Variants in DPP10 observed in about 807,000 individuals in gnomAD.
DPP10 encodes dipeptidyl peptidase like 10, also known as inactive dipeptidyl peptidase 10.
In DPP10, 33 loss-of-function variants were observed where a neutral mutation model predicts 120.9. The observed-to-expected ratio is 0.27, with a 90% CI of 0.21 to 0.37. The LOEUF (loss-of-function observed/expected upper bound fraction) is 0.37, where lower values mean the gene tolerates loss of function less well. Ranked by LOEUF, DPP10 falls within the 10% of genes least tolerant of loss-of-function variation. The probability of loss-of-function intolerance (pLI) is 1.00; values close to 1 mark genes in which losing one functional copy is unlikely to be tolerated. For synonymous variants in DPP10, 337 were observed against 326.1 expected, an observed-to-expected ratio of 1.03 and a Z score of -0.36; for missense variants, 816 against 942.8, an observed-to-expected ratio of 0.87 and a Z score of 1.76.
At chr2:115,674,812 CCTTTG>C (rs1288049161) in intron 5 of DPP10, among the ~76,000 whole-genome samples, 17 of 152,210 alleles carry the variant, frequency 1.1e-4, no homozygotes, top group Non-Finnish European at 2.2e-4. Context: ...TAGAGTGTTA[CCTTTG>C]CTATGGAAGA....
At chr2:115,113,317 T>G (rs1324064814) in intron 1 of DPP10, among the ~76,000 whole-genome samples, 1 of 152,150 alleles carries the variant, frequency 6.6e-6, no homozygotes, top group Non-Finnish European at 1.5e-5. Flanking sequence ...TGTCTATATG[T>G]GCTTTTTAAA....
chr2:115,598,873 C>T (rs2083149205), intron 5 of DPP10, among the ~76,000 whole-genome samples: 1 of 144,934 alleles, frequency 6.9e-6, no homozygotes. Flanking sequence ...AAATAAATTT[C>T]CTTAGTTTTT....
chr2:114,914,910 T>A (rs911106193), intron 1 of DPP10, among the ~76,000 whole-genome samples: 2 of 152,034 alleles, frequency 1.3e-5, no homozygotes, highest in African/African-American at 2.4e-5. Flanking sequence ...GGCGGGCGGA[T>A]CATGAGGTCA....
At chr2:115,799,753 AG>A (rs1328712399) in intron 19 of DPP10, among the ~76,000 whole-genome samples, 4 of 151,848 alleles carry the variant, frequency 2.6e-5, no homozygotes, top group Non-Finnish European at 4.4e-5. Flanking sequence ...GTCCCTACAA[AG>A]GACATGAACT....
intron 1 of DPP10, among the ~76,000 whole-genome samples, chr2:115,122,765 A>G (rs1027304788): frequency 1.1e-4 from 16 of 152,244 alleles, no homozygotes; most frequent in African/African-American, 3.6e-4. Flanking sequence ...TGAACATTAC[A>G]CGGCCTTAGG....
intron 3 of DPP10, among the ~76,000 whole-genome samples, chr2:115,469,587 G>T (rs553506714): frequency 1.3e-5 from 2 of 152,056 alleles, no homozygotes; most frequent in South Asian, 2.1e-4. Flanking sequence ...AAAAGTTAAC[G>T]TCCCAGGTTC....
chr2:115,705,593 A>G (rs2092070973), intron 7 of DPP10, among the ~76,000 whole-genome samples: 1 of 151,948 alleles, frequency 6.6e-6, no homozygotes, highest in Admixed American at 6.6e-5. Context: ...TAGTTGGTAG[A>G]ATGATGCAGG....
At chr2:114,651,635 C>T (rs532350069) in intron 1 of DPP10, among the ~76,000 whole-genome samples, 8 of 152,104 alleles carry the variant, frequency 5.3e-5, no homozygotes, top group East Asian at 3.9e-4. Flanking sequence ...CTCCTAGAAA[C>T]GGTTAATTAA....
intron 1 of DPP10, among the ~76,000 whole-genome samples, chr2:114,803,708 A>G (rs1684467899): frequency 6.6e-6 from 1 of 152,190 alleles, no homozygotes; most frequent in South Asian, 2.1e-4. Flanking sequence ...GGCTGAAGAA[A>G]TTTCTAAGCA....
chr2:115,557,381 A>G (rs531148361), intron 5 of DPP10, among the ~76,000 whole-genome samples: 1 of 152,326 alleles, frequency 6.6e-6, no homozygotes, highest in South Asian at 2.1e-4. Flanking sequence ...TTCAAAACAG[A>G]TTACCAGTCT....
intron 3 of DPP10, among the ~76,000 whole-genome samples, chr2:115,396,422 T>C (rs903639959): frequency 2.6e-5 from 4 of 152,178 alleles, no homozygotes. Flanking sequence ...TTGTGAAAAA[T>C]AATGTTTGGA....
intron 1 of DPP10, among the ~76,000 whole-genome samples, chr2:115,270,521 A>G (rs1215455212): frequency 6.6e-6 from 1 of 152,148 alleles, no homozygotes; most frequent in Non-Finnish European, 1.5e-5. Flanking sequence ...GCTTATTCCC[A>G]TGACTCTGGT....
intron 1 of DPP10, among the ~76,000 whole-genome samples, chr2:114,843,483 G>A (rs947261172): frequency 1.3e-5 from 2 of 152,106 alleles, no homozygotes; most frequent in Admixed American, 6.6e-5. Flanking sequence ...GTATGCAGGG[G>A]CTTACTGAAC....
At chr2:115,768,165 A>T (rs929486038) in intron 12 of DPP10, 132 bp from the exon 13 acceptor site, 25 of 707,632 alleles carry the variant, frequency 3.5e-5, no homozygotes, top group Non-Finnish European at 5.5e-5. Context: ...TCATTTTTTT[A>T]AAATAATGTG....
At chr2:114,932,704 ATGT>A (rs898176925) in intron 1 of DPP10, among the ~76,000 whole-genome samples, 3 of 152,196 alleles carry the variant, frequency 2.0e-5, no homozygotes, top group Non-Finnish European at 2.9e-5. Context: ...GGTGCTGGAA[ATGT>A]TGTACATCTT....
At chr2:115,004,266 T>G (rs1047788576) in intron 1 of DPP10, among the ~76,000 whole-genome samples, 7 of 152,212 alleles carry the variant, frequency 4.6e-5, no homozygotes. Flanking sequence ...GCAGGGTGAC[T>G]ATAGTTTACA....
chr2:115,201,996 G>A (rs536289662), intron 1 of DPP10, among the ~76,000 whole-genome samples: 1 of 152,044 alleles, frequency 6.6e-6, no homozygotes, highest in African/African-American at 2.4e-5. Flanking sequence ...CATGATTCAG[G>A]GTTCTCAATT....
chr2:114,994,868 T>G (rs1234943842), intron 1 of DPP10, among the ~76,000 whole-genome samples: 2 of 152,184 alleles, frequency 1.3e-5, no homozygotes, highest in Admixed American at 1.3e-4. Context: ...TTCTGCCTTA[T>G]CAATTCTAAT....
At chr2:115,632,153 T>C (rs906669383) in intron 5 of DPP10, among the ~76,000 whole-genome samples, 2 of 152,224 alleles carry the variant, frequency 1.3e-5, no homozygotes, top group African/African-American at 4.8e-5. Context: ...TTGAACCCTT[T>C]AGCATTATGC....
Sources: gnomAD v4.1 joint callset for allele counts (sites outside exome capture counted in the v4.1 genomes callset) on GRCh38, gnomAD v4.1.1 for gene constraint, MANE v1.5 for transcripts, NCBI Gene and HGNC (gene_info 2026-07-23, HGNC 2026-07-21) for gene names.